CD38: variants seen among roughly 807,000 people sequenced by gnomAD.
The protein encoded by CD38 is CD38 molecule.
A neutral mutation model predicts 36.3 loss-of-function variants in CD38; 31 were observed. The observed-to-expected ratio is 0.85, with a 90% confidence interval of 0.64 to 1.15. The LOEUF (loss-of-function observed/expected upper bound fraction) is 1.15, where lower values mean the gene tolerates loss of function less well. Ranked by LOEUF, CD38 falls within the 50% of genes most tolerant of loss-of-function variation. The pLI, the probability that CD38 is intolerant of heterozygous loss-of-function variation, is 0.00. For missense variants in CD38, 380 were observed against 371.9 expected, an observed-to-expected ratio of 1.02 and a Z score of -0.18; for synonymous variants, 131 against 135.2, an observed-to-expected ratio of 0.97 and a Z score of 0.22.
intron 1 of CD38, among the ~76,000 whole-genome samples, chr4:15,785,941 G>C (rs1722811047): frequency 6.6e-6 from 1 of 152,298 alleles, no homozygotes; most frequent in African/African-American, 2.4e-5. Context: ...GCTGGCTTCA[G>C]GAGTGAAGCT....
chr4:15,795,707 A>C (rs908247703), intron 1 of CD38, among the ~76,000 whole-genome samples: 1 of 152,080 alleles, frequency 6.6e-6, no homozygotes, highest in East Asian at 1.9e-4. Context: ...TTTTTTTTCT[A>C]TTATACGATG....
At chr4:15,794,027 TG>T (rs1419936710) in intron 1 of CD38, among the ~76,000 whole-genome samples, 1 of 152,242 alleles carries the variant, frequency 6.6e-6, no homozygotes, top group African/African-American at 2.4e-5. Flanking sequence ...CACTTATCCA[TG>T]GCCAGCCACA....
chr4:15,802,849 C>T (rs936160700), intron 1 of CD38, among the ~76,000 whole-genome samples: 13 of 152,102 alleles, frequency 8.5e-5, no homozygotes, highest in Non-Finnish European at 1.6e-4. Flanking sequence ...CTAGCCAAGC[C>T]AAAGCAATTC....
At chr4:15,821,984 C>G (rs949266838) in intron 2 of CD38, among the ~76,000 whole-genome samples, 1 of 152,122 alleles carries the variant, frequency 6.6e-6, no homozygotes, top group African/African-American at 2.4e-5. Flanking sequence ...CATCAAAAAG[C>G]TTATCCACCA....
intron 4 of CD38, among the ~76,000 whole-genome samples, chr4:15,837,098 G>T (rs73799201): frequency 7.2e-5 from 11 of 152,108 alleles, no homozygotes; most frequent in Non-Finnish European, 1.3e-4. Flanking sequence ...CTACTCTATG[G>T]TATGTTTTAG....
intron 4 of CD38, among the ~76,000 whole-genome samples, chr4:15,837,216 C>T (rs986902831): frequency 9.9e-5 from 15 of 152,206 alleles, no homozygotes; most frequent in Non-Finnish European, 1.3e-4. Flanking sequence ...CAGAGGTGCA[C>T]GTGATTGAAG....
chr4:15,793,120 C>T (rs1027357808), intron 1 of CD38, among the ~76,000 whole-genome samples: 5 of 152,018 alleles, frequency 3.3e-5, no homozygotes, highest in Non-Finnish European at 5.9e-5. Flanking sequence ...ATCACTTGAA[C>T]GAGCTGATTA....
At chr4:15,804,025 A>G (rs4285083) in intron 1 of CD38, among the ~76,000 whole-genome samples, 68,122 of 152,068 alleles carry the variant, frequency 0.45, 17,551 homozygotes, top group African/African-American at 0.72. Context: ...TGGTGTATAC[A>G]TACCACCACA....
chr4:15,780,532 A>T (rs62290630), intron 1 of CD38, among the ~76,000 whole-genome samples: 1 of 145,736 alleles, frequency 6.9e-6, no homozygotes, highest in Non-Finnish European at 1.5e-5. Context: ...ACACACACAC[A>T]CACACACACA....
chr4:15,839,580 C>G (rs977187232), intron 5 of CD38, among the ~76,000 whole-genome samples: 1 of 151,756 alleles, frequency 6.6e-6, no homozygotes, highest in Non-Finnish European at 1.5e-5. Flanking sequence ...CCCACCACCA[C>G]GCCCAGCTAA....
chr4:15,824,063 T>C (rs1259924535), intron 2 of CD38, among the ~76,000 whole-genome samples: 6 of 152,014 alleles, frequency 3.9e-5, no homozygotes. Flanking sequence ...ATGCAAATGC[T>C]GCATGTTCTC....
In CD38 at chr4:15,848,786, A is replaced by T; in HGVS notation, c.*184A>T. ...TAACTTATATCATCAGCATACCTTT[A>T]TTGTGATCTATCAATAGTCAAGAAA... On this transcript the variant is annotated 3_prime_UTR_variant, in exon 8 of 8. Coordinates refer to ENST00000226279, the MANE Select transcript of CD38 (RefSeq NM_001775.4). 1 of 469,988 alleles carries T rather than the reference A, an allele frequency of 2.1e-6. No homozygotes were observed. The highest frequency in any genetic ancestry group is 3.8e-6 in the Non-Finnish European group (1 of 260,900). 29.1% of individuals were successfully genotyped at this position (469,988 alleles called of 1,614,324 possible).
chr4:15,797,729 G>C (rs993349070), intron 1 of CD38, among the ~76,000 whole-genome samples: 3 of 152,120 alleles, frequency 2.0e-5, no homozygotes, highest in African/African-American at 7.2e-5. Flanking sequence ...GTAACCTCAG[G>C]TGTTCCTTGT....
intron 3 of CD38, among the ~76,000 whole-genome samples, chr4:15,830,028 T>C (rs1723928161): frequency 6.6e-6 from 1 of 152,214 alleles, no homozygotes; most frequent in South Asian, 2.1e-4. Flanking sequence ...ATCTTGGCTA[T>C]TGTGAACAGT....
rs912091131 is a variant in CD38, at chr4:15,849,610, T to C, written c.*1008T>C. 6.6e-6 allele frequency: 1 copy of C among 152,236 alleles called. No homozygotes were observed. The highest frequency in any genetic ancestry group is 2.4e-5 in the African/African-American group (1 of 41,458). 9.4% of individuals were successfully genotyped at this position (152,236 alleles called of 1,614,324 possible). ...ACTTGTTGCTGGTACTGGCAGCTTA[T>C]ATTTTCTCTCTTTTTTCATGGATTA... On this transcript the variant is annotated 3_prime_UTR_variant, in exon 8 of 8. Transcript: ENST00000226279.
At chr4:15,819,387 G>C (rs1723683689) in intron 2 of CD38, among the ~76,000 whole-genome samples, 1 of 151,900 alleles carries the variant, frequency 6.6e-6, no homozygotes, top group Non-Finnish European at 1.5e-5. Context: ...AAAAGAACTG[G>C]GCTGAGGCTG....
At chr4:15,821,942 A>C (rs1413593733) in intron 2 of CD38, among the ~76,000 whole-genome samples, 1 of 152,156 alleles carries the variant, frequency 6.6e-6, no homozygotes, top group Non-Finnish European at 1.5e-5. Context: ...AAAAATTCTC[A>C]ACAAAATACT....
rs1312481921 is a variant in CD38, at chr4:15,849,187, T to C, written c.*585T>C. On this transcript the variant is annotated 3_prime_UTR_variant, in exon 8 of 8. Transcript: ENST00000226279. ...GTGAGGTTGGTATTATTTCATTTTT[T>C]AGATGAGAAAATGGGAGCTCAGAGA... The C allele has an allele frequency of 6.6e-6, 1 of 152,192 alleles. No individual in the cohort carries two copies. The highest frequency in any genetic ancestry group is 1.5e-5 in the Non-Finnish European group (1 of 68,038). The allele number at this position is 152,192 out of a possible 1,614,324, so 9.4% of individuals were successfully genotyped here.
Position 15,849,740 on chromosome 4 carries a change from T to C in CD38, c.*1138T>C, listed in dbSNP as rs765290810. On this transcript the variant is annotated 3_prime_UTR_variant, in exon 8 of 8. Coordinates refer to ENST00000226279, the MANE Select transcript of CD38 (RefSeq NM_001775.4). ...TTGGGTTTTGCTCTTCTCTTTAGCA[T>C]TGGAAACATAGAAATGCTTTCTGAT... 3.3e-5 allele frequency: 5 copies of C among 152,232 alleles called. No homozygotes were observed. Among genetic ancestry groups the C allele is most frequent in the Non-Finnish European group, 7.3e-5 (5 of 68,054 alleles). 9.4% of individuals were successfully genotyped at this position (152,232 alleles called of 1,614,324 possible). A position where few individuals can be genotyped will look rare whatever the true frequency, so the allele number is the denominator to read the frequency against.
Sources: allele counts gnomAD v4.1 joint callset (sites outside exome capture counted in the v4.1 genomes callset), GRCh38; gene constraint gnomAD v4.1.1; transcripts MANE v1.5; gene names NCBI Gene and HGNC (gene_info 2026-07-23, HGNC 2026-07-21).